PCDHA13: variants seen among roughly 807,000 people sequenced by gnomAD.
PCDHA13 encodes protocadherin alpha-13.
Under a neutral mutation model 64.8 loss-of-function variants are expected in PCDHA13, and 54 were observed. The observed-to-expected ratio is 0.83, with a 90% CI of 0.67 to 1.04. The LOEUF is 1.04. PCDHA13 is among the 50% of genes least tolerant of loss of function. PCDHA13 has a pLI of 0.00. For missense variants in PCDHA13, 1,248 were observed against 1,254.3 expected (o/e 0.99, Z 0.08); for synonymous variants, 587 against 564.4 (o/e 1.04, Z -0.57).
chr5:140,966,945 A>C, intron 1 of PCDHA13: 1 of 1,603,804 alleles, frequency 6.2e-7, no homozygotes, highest in Non-Finnish European at 8.5e-7. Context: ...CTCGTGGGCA[A>C]CGTGGCTCGC....
chr5:140,995,529 C>G (rs1191657600), intron 3 of PCDHA13, among the ~76,000 whole-genome samples: 1 of 152,078 alleles, frequency 6.6e-6, no homozygotes, highest in East Asian at 1.9e-4. Flanking sequence ...GAAATCAAAC[C>G]TCAAATAAGG....
chr5:140,967,453 C>A (rs782630345), intron 1 of PCDHA13: 1 of 1,613,556 alleles, frequency 6.2e-7, no homozygotes, highest in Non-Finnish European at 8.5e-7. Context: ...TTCTCACAGC[C>A]GTGGATGGGG....
In PCDHA13 at chr5:140,929,128, A is replaced by G. The variant is rs142487298; in HGVS notation, c.2394+44466A>G. On this transcript the variant is annotated intron_variant, in intron 1 of 3. Transcript: ENST00000289272. Reference sequence around the variant, plus strand: ...GACATCAGCCACCATAGATGTCACTACAGTTGAGAGACTTTCTCAGACTTA... The same window carrying G: ...GACATCAGCCACCATAGATGTCACTGCAGTTGAGAGACTTTCTCAGACTTA... The G allele has an allele frequency of 8.1e-6, 13 of 1,614,054 alleles. No individual in the cohort carries two copies. In the African/African-American group the frequency reaches 1.5e-4, roughly 18 times the overall value.
chr5:141,011,852 A>T lies in PCDHA13; in HGVS notation c.*1915A>T, dbSNP rs1288551420. 1 of 153,718 alleles carries T rather than the reference A, an allele frequency of 6.5e-6. No individual in the cohort carries two copies. The highest frequency in any genetic ancestry group is 1.5e-5 in the Non-Finnish European group (1 of 68,038). 9.5% of individuals were successfully genotyped at this position (153,718 alleles called of 1,614,324 possible). A position where few individuals can be genotyped will look rare whatever the true frequency, so the allele number is the denominator to read the frequency against. ...CTGTCACCTTAAATAAGACATTTTA[A>T]TTTTGTTATAATGTACAATTTAGAA... On this transcript the variant is annotated 3_prime_UTR_variant, in exon 4 of 4. Transcript: ENST00000289272.
chr5:140,954,405 G>T (rs246023), intron 1 of PCDHA13, among the ~76,000 whole-genome samples: 85,299 of 151,648 alleles, frequency 0.56, 24,568 homozygotes, highest in African/African-American at 0.69. Context: ...CCACCAACAG[G>T]GTAAAGGTGT....
intron 1 of PCDHA13, among the ~76,000 whole-genome samples, chr5:140,913,421 A>T (rs2076328410): frequency 6.6e-6 from 1 of 152,144 alleles, no homozygotes; most frequent in Non-Finnish European, 1.5e-5. Flanking sequence ...CTGCAGTATC[A>T]GTTGTAATGC....
intron 1 of PCDHA13, chr5:140,968,878 T>A (rs1554231201): frequency 6.2e-7 from 1 of 1,614,244 alleles, no homozygotes; most frequent in South Asian, 1.1e-5. Flanking sequence ...ACTCTGAAAT[T>A]ACCCTTTATC....
intron 1 of PCDHA13, among the ~76,000 whole-genome samples, chr5:140,944,313 G>A (rs2093639720): frequency 6.6e-6 from 1 of 152,066 alleles, no homozygotes; most frequent in Non-Finnish European, 1.5e-5. Context: ...TCAGCCTCCT[G>A]AGTAGCTGGG....
chr5:140,922,409 C>A (rs1335922543), intron 1 of PCDHA13, among the ~76,000 whole-genome samples: 2 of 152,154 alleles, frequency 1.3e-5, no homozygotes, highest in Non-Finnish European at 2.9e-5. Context: ...TTAAAAAGAT[C>A]TAGGTACAGA....
At chr5:140,978,907 G>A (rs782602741) in intron 1 of PCDHA13, 42 bp from the exon 2 acceptor site, 3 of 1,613,766 alleles carry the variant, frequency 1.9e-6, no homozygotes, top group South Asian at 2.2e-5. Context: ...GGAGAACATT[G>A]TCTTGTCATT....
chr5:141,005,701 C>CAAAAAAAA (rs59860837), intron 3 of PCDHA13, among the ~76,000 whole-genome samples: 3 of 7,792 alleles, frequency 3.9e-4, no homozygotes, highest in East Asian at 6.4e-3. Flanking sequence ...AACTCCGTCT[C>CAAAAAAAA]AAAAAAAAAA....
At chr5:140,990,981 A>G (rs1554251870) in intron 3 of PCDHA13, among the ~76,000 whole-genome samples, 1 of 152,206 alleles carries the variant, frequency 6.6e-6, no homozygotes, top group Non-Finnish European at 1.5e-5. Context: ...AGAAAGGAAG[A>G]CAATAGCTAC....
intron 1 of PCDHA13, chr5:140,929,943 A>G (rs996777609): frequency 1.3e-5 from 2 of 152,224 alleles, no homozygotes; most frequent in African/African-American, 4.8e-5. Flanking sequence ...TCTCTAGCCT[A>G]TACTTTTAAT....
chr5:141,009,482 C>A, intron 3 of PCDHA13, 145 bp from the exon 4 acceptor site: 1 of 1,446,086 alleles, frequency 6.9e-7, no homozygotes, highest in Non-Finnish European at 9.1e-7. Flanking sequence ...TAAACACTTG[C>A]CTTGCCCTCA....
intron 1 of PCDHA13, among the ~76,000 whole-genome samples, chr5:140,906,752 G>A (rs1328101001): frequency 6.6e-6 from 1 of 152,152 alleles, no homozygotes; most frequent in Non-Finnish European, 1.5e-5. Context: ...ACAGGGCATG[G>A]TAATACTAAG....
intron 1 of PCDHA13, among the ~76,000 whole-genome samples, chr5:140,918,678 A>G (rs2078806155): frequency 6.6e-6 from 1 of 152,098 alleles, no homozygotes; most frequent in South Asian, 2.1e-4. Context: ...AAGAGGTGAG[A>G]CCTTTCAAAC....
At chr5:140,995,543 G>T (rs1243799532) in intron 3 of PCDHA13, among the ~76,000 whole-genome samples, 1 of 152,144 alleles carries the variant, frequency 6.6e-6, no homozygotes, top group African/African-American at 2.4e-5. Flanking sequence ...AATAAGGGGC[G>T]ATCACTGTAC....
chr5:140,930,394 T>C (rs531643898), intron 1 of PCDHA13: 1 of 145,356 alleles, frequency 6.9e-6, no homozygotes, highest in South Asian at 2.2e-4. Flanking sequence ...TCAAAACTTC[T>C]TTTTTTTTTT....
chr5:140,926,537 T>G, intron 1 of PCDHA13: 10 of 211,562 alleles, frequency 4.7e-5, no homozygotes, highest in Non-Finnish European at 7.4e-5. Flanking sequence ...GCAGCCAGCG[T>G]GGTGGTCGAG....
Sources: allele counts gnomAD v4.1 joint callset (sites outside exome capture counted in the v4.1 genomes callset), GRCh38; gene constraint gnomAD v4.1.1; transcripts MANE v1.5; gene names NCBI Gene and HGNC (gene_info 2026-07-23, HGNC 2026-07-21).